Variants in PPP1R36 observed in about 807,000 individuals in gnomAD.
PPP1R36 encodes the protein chromosome 14 open reading frame 50.
A neutral mutation model predicts 53.4 loss-of-function variants in PPP1R36; 47 were observed. The observed-to-expected ratio is 0.88, with a 90% CI of 0.70 to 1.12. The LOEUF is 1.12. PPP1R36 is among the 50% of genes most tolerant of loss of function. PPP1R36 has a pLI of 0.00. For missense variants in PPP1R36, 456 were observed against 513.9 expected (o/e 0.89, Z 1.09); for synonymous variants, 153 against 170.5 (o/e 0.90, Z 0.80).
intron 8 of PPP1R36, among the ~76,000 whole-genome samples, chr14:64,580,076 A>T (rs2080376829): frequency 6.6e-6 from 1 of 152,210 alleles, no homozygotes; most frequent in African/African-American, 2.4e-5. Flanking sequence ...GAGGCAGGAA[A>T]GTCACTTGAG....
intron 6 of PPP1R36, among the ~76,000 whole-genome samples, chr14:64,566,413 A>G (rs1345706652): frequency 6.7e-6 from 1 of 150,300 alleles, no homozygotes; most frequent in East Asian, 2.0e-4. Flanking sequence ...ATTGCACTTC[A>G]GCCTGGGCGA....
In PPP1R36 at chr14:64,567,467, T is replaced by C. The variant is rs529825792; in HGVS notation, c.435-882T>C. ...AGACGGAAATCTACATATAATATCA[T>C]AGAAAGAGGTCTATGCTACGCAGAA... is the stretch of plus-strand genomic sequence containing the variant. On this transcript the variant is annotated intron_variant, in intron 6 of 11. Transcript: ENST00000298705. 3.9e-5 allele frequency among the ~76,000 whole-genome samples: 6 copies of C among 152,308 alleles called. No homozygotes were observed. In the East Asian group the frequency reaches 1.2e-3, roughly 29 times the overall value.
rs1398443124 is a variant in PPP1R36, at chr14:64,587,205, T to A, written c.723T>A (p.Thr241=). ...ATTTTTTGTTGTAGTCCTTTTATAC[T>A]TTCTGTACATATGTGGCTTGGATTG... is the stretch of plus-strand genomic sequence containing the variant. ...KDWKFFESFY[T]FCTYVAWIVF... is the part of the protein sequence containing the mutation. Residue 241 remains threonine (T), a synonymous_variant, in exon 10 of 12, where the codon ACT becomes ACA. Coordinates refer to ENST00000298705, the MANE Select transcript of PPP1R36 (RefSeq NM_172365.3). The A allele has an allele frequency of 6.2e-7, 1 of 1,606,608 alleles. No homozygotes were observed. The highest frequency in any genetic ancestry group is 8.5e-7 in the Non-Finnish European group (1 of 1,177,368).
chr14:64,577,827 G>A (rs1399044619), intron 8 of PPP1R36, among the ~76,000 whole-genome samples: 1 of 139,952 alleles, frequency 7.1e-6, no homozygotes, highest in Non-Finnish European at 1.5e-5. Context: ...CCGGGTTCAC[G>A]CTGTTCTCCT....
At chr14:64,578,870 G>A (rs1446222541) in intron 8 of PPP1R36, among the ~76,000 whole-genome samples, 1 of 152,212 alleles carries the variant, frequency 6.6e-6, no homozygotes, top group African/African-American at 2.4e-5. Context: ...ATGCCCAACA[G>A]TGACACACTG....
intron 3 of PPP1R36, among the ~76,000 whole-genome samples, chr14:64,556,036 G>A (rs2140217830): frequency 6.6e-6 from 1 of 151,254 alleles, no homozygotes; most frequent in Non-Finnish European, 1.5e-5. Flanking sequence ...GAGTTACCAA[G>A]TTATTTTTAT....
chr14:64,555,045 A>G (rs1352171102), intron 3 of PPP1R36, among the ~76,000 whole-genome samples: 1 of 152,196 alleles, frequency 6.6e-6, no homozygotes, highest in African/African-American at 2.4e-5. Context: ...ATTATTTAAA[A>G]TCATACTATT....
chr14:64,568,691 T>C (rs993723865), intron 7 of PPP1R36, among the ~76,000 whole-genome samples: 9 of 152,240 alleles, frequency 5.9e-5, no homozygotes, highest in African/African-American at 1.9e-4. Context: ...AAGCCATGTA[T>C]GTAATTTTAA....
chr14:64,565,637 CT>C lies in PPP1R36; in HGVS notation c.383del (p.Leu128CysfsTer17). Reference protein sequence around the residue: ...TLDDVKFVTLLLLQDTEMQRI... With the variant: ...TLDDVKFVTLXLLQDTEMQRI... Reference sequence around the variant, plus strand: ...TTTTCTCTTTTCAGTTGTTACTTTGCTTTTGCTACAAGATACTGAGATGCAG... The same window carrying C: ...TTTTCTCTTTTCAGTTGTTACTTTGCTTTGCTACAAGATACTGAGATGCAG... On this transcript the variant is annotated frameshift_variant, in exon 6 of 12. Coordinates refer to ENST00000298705, the MANE Select transcript of PPP1R36 (RefSeq NM_172365.3). LOFTEE classifies it high-confidence loss of function. The C allele has an allele frequency of 3.1e-6, 5 of 1,613,616 alleles. No homozygotes were observed. The highest frequency in any genetic ancestry group is 4.2e-6 in the Non-Finnish European group (5 of 1,179,574).
chr14:64,584,434 G>A (rs2080415078), intron 8 of PPP1R36, among the ~76,000 whole-genome samples: 1 of 152,270 alleles, frequency 6.6e-6, no homozygotes, highest in Non-Finnish European at 1.5e-5. Flanking sequence ...TCTGGTTTCA[G>A]CTGGCAGAAG....
chr14:64,555,091 A>C (rs1450197775), intron 3 of PPP1R36, among the ~76,000 whole-genome samples: 2 of 152,230 alleles, frequency 1.3e-5, no homozygotes, highest in Admixed American at 6.5e-5. Flanking sequence ...AATACTCGCC[A>C]GTGGCGCTTG....
chr14:64,568,530 G>T, intron 7 of PPP1R36, 83 bp downstream of exon 7: 2 of 603,384 alleles, frequency 3.3e-6, no homozygotes, highest in South Asian at 2.6e-5. Context: ...AAGAGATGAT[G>T]GAAATTTTTA....
chr14:64,555,065 T>A (rs1457972563), intron 3 of PPP1R36, among the ~76,000 whole-genome samples: 1 of 152,224 alleles, frequency 6.6e-6, no homozygotes, highest in Non-Finnish European at 1.5e-5. Context: ...TTAACCGTTT[T>A]CTTGTTTGCC....
chr14:64,583,212 C>T (rs1384089165), intron 8 of PPP1R36, among the ~76,000 whole-genome samples: 3 of 151,176 alleles, frequency 2.0e-5, no homozygotes, highest in African/African-American at 7.3e-5. Context: ...CATGCCAGGC[C>T]AATTTTGTTA....
intron 7 of PPP1R36, among the ~76,000 whole-genome samples, chr14:64,573,181 A>G (rs2140237674): frequency 6.6e-6 from 1 of 152,292 alleles, no homozygotes; most frequent in Admixed American, 6.5e-5. Context: ...CATCAGCAAT[A>G]TTTCCTACTG....
intron 3 of PPP1R36, among the ~76,000 whole-genome samples, chr14:64,562,687 G>T (rs905825314): frequency 6.6e-6 from 1 of 152,010 alleles, no homozygotes; most frequent in Non-Finnish European, 1.5e-5. Context: ...AGCAGTAAAT[G>T]CCAGACTATT....
At chr14:64,574,808 TA>T (rs2080330378) in intron 8 of PPP1R36, among the ~76,000 whole-genome samples, 1 of 152,228 alleles carries the variant, frequency 6.6e-6, no homozygotes, top group Non-Finnish European at 1.5e-5. Flanking sequence ...CGGATATTTT[TA>T]AAACTTTCCA....
At chr14:64,576,356 C>T (rs373080596) in intron 8 of PPP1R36, among the ~76,000 whole-genome samples, 2 of 152,262 alleles carry the variant, frequency 1.3e-5, no homozygotes, top group South Asian at 2.1e-4. Context: ...GCTGGGATTA[C>T]GGGCATGAGC....
chr14:64,565,791 G>A (rs979518398), intron 6 of PPP1R36, 99 bp downstream of exon 6: 19 of 929,716 alleles, frequency 2.0e-5, no homozygotes, highest in Middle Eastern at 6.2e-4. Flanking sequence ...GAGGAAGAGC[G>A]TGAGGCTGGC....
Sources: allele counts gnomAD v4.1 joint callset (sites outside exome capture counted in the v4.1 genomes callset), GRCh38; gene constraint gnomAD v4.1.1; transcripts MANE v1.5; gene names NCBI Gene and HGNC (gene_info 2026-07-23, HGNC 2026-07-21).